The following AGTPBP1 variants were observed in gnomAD, a reference collection of about 807,000 sequenced individuals.
The protein encoded by AGTPBP1 is cytosolic carboxypeptidase 1.
A neutral mutation model predicts 143.9 loss-of-function variants in AGTPBP1; 70 were observed. The observed-to-expected ratio is 0.49, with a 90% CI of 0.40 to 0.59. The LOEUF is 0.59. Among genes scored for constraint, AGTPBP1 ranks in the 20% least tolerant of loss-of-function variants. AGTPBP1 has a pLI of 0.00. For synonymous variants in AGTPBP1, 463 were observed against 500.2 expected (o/e 0.93, Z 0.99); for missense variants, 1,229 against 1,464.5 (o/e 0.84, Z 2.62).
At chr9:85,709,832 C>T (rs7032529) in intron 2 of AGTPBP1, among the ~76,000 whole-genome samples, 48,668 of 151,978 alleles carry the variant, frequency 0.32, 12,338 homozygotes, top group East Asian at 0.77. Flanking sequence ...GAGTGAAGTG[C>T]AGAGAAAATT....
intron 1 of AGTPBP1, among the ~76,000 whole-genome samples, chr9:85,729,589 G>A (rs562649038): frequency 6.6e-5 from 10 of 152,124 alleles, no homozygotes; most frequent in Admixed American, 4.6e-4. Flanking sequence ...CTATAGGTTC[G>A]GAGAAAGTAT....
At chr9:85,758,432 G>A in the AGTPBP1 span, among the ~76,000 whole-genome samples, 1 of 152,164 alleles carries the variant, frequency 6.6e-6, no homozygotes, top group Admixed American at 6.6e-5. Flanking sequence ...GTCACGGGAG[G>A]TCAGGCGTTC....
At chr9:85,581,499 T>C (rs770221575) in intron 23 of AGTPBP1, among the ~76,000 whole-genome samples, 9 of 152,236 alleles carry the variant, frequency 5.9e-5, no homozygotes, top group Non-Finnish European at 8.8e-5. Flanking sequence ...GGTAACATAA[T>C]TGTTAGATGT....
chr9:85,663,701 C>T (rs1421344661), intron 8 of AGTPBP1, among the ~76,000 whole-genome samples: 3 of 151,442 alleles, frequency 2.0e-5, no homozygotes, highest in Admixed American at 6.6e-5. Flanking sequence ...TAGTATTCCA[C>T]GTGTTCTAGA....
At chr9:85,577,306 T>C (rs950465898) in intron 24 of AGTPBP1, among the ~76,000 whole-genome samples, 1 of 152,162 alleles carries the variant, frequency 6.6e-6, no homozygotes, top group Non-Finnish European at 1.5e-5. Flanking sequence ...GCATAAGTCA[T>C]CTCTTTAAGA....
chr9:85,566,796 C>T (rs924543887), intron 25 of AGTPBP1, among the ~76,000 whole-genome samples: 5 of 152,194 alleles, frequency 3.3e-5, no homozygotes, highest in Non-Finnish European at 7.3e-5. Context: ...AAGTGCCCTA[C>T]AGGCAGGGAA....
chr9:85,678,475 T>A, intron 4 of AGTPBP1, 77 bp from the exon 5 acceptor site: 1 of 878,924 alleles, frequency 1.1e-6, no homozygotes. Flanking sequence ...GGGAACTACC[T>A]ATATTTTACA....
chr9:85,727,380 A>G (rs1248213438), intron 1 of AGTPBP1, among the ~76,000 whole-genome samples: 1 of 152,128 alleles, frequency 6.6e-6, no homozygotes, highest in African/African-American at 2.4e-5. Context: ...TCACAGAGAG[A>G]TGCTGGTGTC....
chr9:85,661,909 G>A (rs532527057), intron 8 of AGTPBP1, among the ~76,000 whole-genome samples: 3 of 152,184 alleles, frequency 2.0e-5, no homozygotes, highest in Non-Finnish European at 2.9e-5. Flanking sequence ...AGCATTTGTT[G>A]AATGCCTACT....
At chr9:85,709,624 G>A (rs1329123514) in intron 2 of AGTPBP1, among the ~76,000 whole-genome samples, 2 of 152,192 alleles carry the variant, frequency 1.3e-5, no homozygotes, top group Non-Finnish European at 2.9e-5. Context: ...TAGAAGAGGA[G>A]GAGGAAGAGA....
At chr9:85,749,453 CCTAAAGGATA>C in the AGTPBP1 span, among the ~76,000 whole-genome samples, 47 of 152,250 alleles carry the variant, frequency 3.1e-4, no homozygotes, top group Admixed American at 1.8e-3. Flanking sequence ...TGCTTACAGT[CCTAAAGGATA>C]TTTGCTCTCT....
the AGTPBP1 span, among the ~76,000 whole-genome samples, chr9:85,758,015 G>A: frequency 2.0e-5 from 3 of 152,064 alleles, no homozygotes; most frequent in Non-Finnish European, 4.4e-5. Flanking sequence ...CTTCCTAGCC[G>A]GAGATTGGCA....
chr9:85,661,103 A>AT, intron 8 of AGTPBP1, 130 bp from the exon 9 acceptor site: 1 of 691,972 alleles, frequency 1.4e-6, no homozygotes, highest in Non-Finnish European at 2.3e-6. Flanking sequence ...CTTGTTTAAG[A>AT]TAATTACACA....
At chr9:85,685,508 G>A (rs1835436905) in intron 3 of AGTPBP1, among the ~76,000 whole-genome samples, 1 of 151,884 alleles carries the variant, frequency 6.6e-6, no homozygotes, top group South Asian at 2.1e-4. Flanking sequence ...CGATGACGAT[G>A]AAACTGCCAA....
chr9:85,559,162 C>T (rs1236454386), intron 25 of AGTPBP1, among the ~76,000 whole-genome samples: 1 of 152,126 alleles, frequency 6.6e-6, no homozygotes, highest in Non-Finnish European at 1.5e-5. Context: ...TGAGTCCTAC[C>T]AGTATTTCCA....
chr9:85,644,778 A>G (rs530281857), intron 12 of AGTPBP1, among the ~76,000 whole-genome samples: 1 of 152,260 alleles, frequency 6.6e-6, no homozygotes, highest in South Asian at 2.1e-4. Context: ...TTATAACCAT[A>G]AGAGAACACA....
In AGTPBP1 at chr9:85,588,322, T is replaced by G; in HGVS notation, c.2879A>C (p.Asn960Thr). 1.2e-6 allele frequency: 2 copies of G among 1,609,258 alleles called. No homozygotes were observed. Among genetic ancestry groups the G allele is most frequent in the Non-Finnish European group, 1.7e-6 (2 of 1,178,100 alleles). The change falls in exon 21 of 26, where the codon AAT becomes ACT. Residue 960 changes from asparagine to threonine, a missense_variant. Transcript: ENST00000357081. The stretch of plus-strand genomic sequence containing the variant: ...CTTTCCATTGATGACACCATCTGGA[T>G]TTAACATAGGGACAATTTTAAAAAT... ...SYIFKIVPMLNPDGVINGNHR... is the reference protein window; with the variant it reads ...SYIFKIVPMLTPDGVINGNHR...
At chr9:85,742,002 C>CCT (rs1824347672), upstream of AGTPBP1, 3 of 1,209,992 alleles carry the variant, frequency 2.5e-6, no homozygotes, top group African/African-American at 1.6e-5. Context: ...CACCGCACGC[C>CCT]TTGCCAGCCG....
chr9:85,786,600 T>C, the AGTPBP1 span: 2 of 1,590,352 alleles, frequency 1.3e-6, no homozygotes, highest in Non-Finnish European at 1.7e-6. Flanking sequence ...AATAGAACTT[T>C]TAGTAGATAT....
Sources: allele counts gnomAD v4.1 joint callset (sites outside exome capture counted in the v4.1 genomes callset), GRCh38; gene constraint gnomAD v4.1.1; transcripts MANE v1.5; gene names NCBI Gene and HGNC (gene_info 2026-07-23, HGNC 2026-07-21).